The following MAP3K3 variants were observed in gnomAD, a reference collection of about 807,000 sequenced individuals.
The protein encoded by MAP3K3 is mitogen-activated protein kinase kinase kinase 3, also known as MAP/ERK kinase kinase 3.
In MAP3K3, 12 loss-of-function variants were observed where a neutral mutation model predicts 80.9. The observed-to-expected ratio is 0.15, with a 90% CI of 0.10 to 0.24. MAP3K3 has a LOEUF of 0.24. Among genes scored for constraint, MAP3K3 ranks in the 10% least tolerant of loss-of-function variants. MAP3K3 has a pLI of 1.00. For synonymous variants in MAP3K3, 272 were observed against 307.1 expected, an observed-to-expected ratio of 0.89 and a Z score of 1.19; for missense variants, 596 against 834.7, an observed-to-expected ratio of 0.71 and a Z score of 3.52.
At chr17:63,654,401 A>C (rs909832605) in intron 4 of MAP3K3, among the ~76,000 whole-genome samples, 1 of 151,794 alleles carries the variant, frequency 6.6e-6, no homozygotes, top group African/African-American at 2.4e-5. Flanking sequence ...ATGTCATTCT[A>C]TTTTATGGCT....
rs187574595 is a variant in MAP3K3, at chr17:63,642,945, A to G, written c.127-3089A>G. 9.6e-4 allele frequency among the ~76,000 whole-genome samples: 145 copies of G among 151,784 alleles called. 2 individuals carry two copies. In the Middle Eastern group the frequency reaches 0.017, roughly 18 times the overall value. Reference sequence around the variant, plus strand: ...GCTAATTTTTGTATTTTTTGTAGAGATGGCGTTTTGCCATGTCGCCCAGAC... The same window carrying G: ...GCTAATTTTTGTATTTTTTGTAGAGGTGGCGTTTTGCCATGTCGCCCAGAC... On this transcript the variant is annotated intron_variant, in intron 2 of 15. Transcript: ENST00000361733.
intron 6 of MAP3K3, among the ~76,000 whole-genome samples, chr17:63,680,018 C>T (rs2035298179): frequency 6.6e-6 from 1 of 152,152 alleles, no homozygotes; most frequent in Non-Finnish European, 1.5e-5. Context: ...GACCCTGTCT[C>T]TGAAACAAAA....
chr17:63,662,922 G>A (rs990896713), intron 5 of MAP3K3, among the ~76,000 whole-genome samples: 6 of 151,794 alleles, frequency 4.0e-5, no homozygotes, highest in African/African-American at 9.7e-5. Context: ...TGATCTGACC[G>A]CCTTGGCCTC....
At chr17:63,676,612 A>C (rs1484459406) in intron 6 of MAP3K3, among the ~76,000 whole-genome samples, 1 of 152,250 alleles carries the variant, frequency 6.6e-6, no homozygotes, top group Non-Finnish European at 1.5e-5. Flanking sequence ...CACTGTAGCT[A>C]GTTTCAGGAA....
intron 4 of MAP3K3, among the ~76,000 whole-genome samples, chr17:63,657,102 A>G (rs1211934328): frequency 6.6e-6 from 1 of 152,118 alleles, no homozygotes; most frequent in East Asian, 1.9e-4. Context: ...AACAATTTTC[A>G]TCCTCTGACC....
chr17:63,690,209 G>A, intron 11 of MAP3K3, 55 bp from the exon 12 acceptor site: 1 of 1,564,706 alleles, frequency 6.4e-7, no homozygotes, highest in African/African-American at 1.4e-5. Flanking sequence ...GAGAATGAAT[G>A]GGATATTCAT....
rs777002011 is a variant in MAP3K3, at chr17:63,688,822, A to G, written c.812A>G (p.Lys271Arg). 6.2e-7 allele frequency: 1 copy of G among 1,614,032 alleles called. No homozygotes were observed. Among genetic ancestry groups the G allele is most frequent in the South Asian group, 1.1e-5 (1 of 91,068 alleles). ...ACTCAGCTTTATGACAAAGGGGTCA[A>G]AGGTGGAACCTACCCCCGGCGCTAC... ...RETQLYDKGVKGGTYPRRYHV... is the reference protein window; with the variant it reads ...RETQLYDKGVRGGTYPRRYHV... The change falls in exon 10 of 16, where the codon AAA becomes AGA. Residue 271 changes from lysine to arginine, a missense_variant. Transcript: ENST00000361733.
chr17:63,646,236 G>A (rs1286672341), intron 3 of MAP3K3, among the ~76,000 whole-genome samples, 162 bp downstream of exon 3: 1 of 152,138 alleles, frequency 6.6e-6, no homozygotes, highest in Non-Finnish European at 1.5e-5. Context: ...CCCTTGTCTT[G>A]GCCTACTAAT....
chr17:63,649,314 GT>G (rs2143318048), intron 3 of MAP3K3, among the ~76,000 whole-genome samples: 1 of 152,068 alleles, frequency 6.6e-6, no homozygotes, highest in African/African-American at 2.4e-5. Flanking sequence ...GTGCACACCT[GT>G]AGTCCCAGCT....
Position 63,692,151 on chromosome 17 carries a change from C to T in MAP3K3, c.1475-91C>T. The T allele has an allele frequency of 6.8e-7, 1 of 1,470,344 alleles. No homozygotes were observed. Among genetic ancestry groups the T allele is most frequent in the Admixed American group, 1.8e-5 (1 of 54,316 alleles). 91.1% of individuals were successfully genotyped at this position (1,470,344 alleles called of 1,614,324 possible). On this transcript the variant is annotated intron_variant, in intron 14 of 15. Coordinates refer to ENST00000361733, the MANE Select transcript of MAP3K3 (RefSeq NM_002401.5). The surrounding 1 kb of genome is among the most constrained non-coding windows in gnomAD (Gnocchi z 4.5). The stretch of plus-strand genomic sequence containing the variant: ...TCTAATTCAGTGGTAGCCCTGCCCT[C>T]TCCAGCAGCTCTCAGTGACCCGGGG...
intron 6 of MAP3K3, among the ~76,000 whole-genome samples, chr17:63,675,889 A>G (rs948870612): frequency 3.9e-5 from 6 of 152,240 alleles, no homozygotes; most frequent in South Asian, 2.1e-4. Context: ...GCTCATTGCT[A>G]TCACTGCTGG....
intron 2 of MAP3K3, among the ~76,000 whole-genome samples, chr17:63,643,721 GACTACAA>G (rs1490473499): frequency 6.6e-6 from 1 of 152,144 alleles, no homozygotes; most frequent in African/African-American, 2.4e-5. Flanking sequence ...GGGCAGACAG[GACTACAA>G]ACTTCATAGA....
chr17:63,685,630 A>G, intron 8 of MAP3K3, 40 bp downstream of exon 8: 1 of 1,544,250 alleles, frequency 6.5e-7, no homozygotes, highest in Middle Eastern at 1.7e-4. Context: ...ATGCATAGGC[A>G]TTTTTGGAAT....
intron 5 of MAP3K3, among the ~76,000 whole-genome samples, chr17:63,662,928 G>T (rs916227442): frequency 2.0e-5 from 3 of 151,838 alleles, no homozygotes; most frequent in Non-Finnish European, 4.4e-5. Context: ...GACCGCCTTG[G>T]CCTCCCAAAG....
chr17:63,667,852 G>A (rs1481431147), intron 6 of MAP3K3, among the ~76,000 whole-genome samples: 3 of 152,076 alleles, frequency 2.0e-5, no homozygotes, highest in Non-Finnish European at 4.4e-5. Flanking sequence ...TGGAGATATG[G>A]AGGGCCAACT....
At chr17:63,687,743 A>G (rs1296716041) in intron 8 of MAP3K3, among the ~76,000 whole-genome samples, 1 of 150,340 alleles carries the variant, frequency 6.7e-6, no homozygotes, top group African/African-American at 2.5e-5. Flanking sequence ...TAGTCCCAGC[A>G]TTTTGGGAGG....
At chr17:63,632,842 G>C (rs749421477) in intron 2 of MAP3K3, 40 bp downstream of exon 2, 1 of 1,610,790 alleles carries the variant, frequency 6.2e-7, no homozygotes, top group Non-Finnish European at 8.5e-7. Flanking sequence ...GATTTGTTGG[G>C]GAGGGGTTTT....
At chr17:63,630,492 A>AATTTTTTGT (rs1167270434) in intron 1 of MAP3K3, among the ~76,000 whole-genome samples, 2 of 151,930 alleles carry the variant, frequency 1.3e-5, no homozygotes, top group South Asian at 2.1e-4. Flanking sequence ...ATGCCCAGCT[A>AATTTTTTGT]ATTTTTTGTA....
intron 1 of MAP3K3, among the ~76,000 whole-genome samples, chr17:63,628,464 A>G (rs572828605): frequency 1.9e-4 from 28 of 149,606 alleles, no homozygotes; most frequent in South Asian, 4.2e-4. Flanking sequence ...AGCTTGAAGC[A>G]GTTCTCCTGC....
Sources: gnomAD v4.1 joint callset for allele counts (sites outside exome capture counted in the v4.1 genomes callset) on GRCh38, gnomAD v4.1.1 for gene constraint, Gnocchi (gnomAD v3.1) non-coding constraint, MANE v1.5 for transcripts, NCBI Gene and HGNC (gene_info 2026-07-23, HGNC 2026-07-21) for gene names.